DOK6: variants seen among roughly 807,000 people sequenced by gnomAD.
The protein encoded by DOK6 is downstream of tyrosine kinase 6.
Under a neutral mutation model 44.0 loss-of-function variants are expected in DOK6, and 22 were observed. That is an observed-to-expected ratio of 0.50 (90% CI 0.36 to 0.71). DOK6 has a LOEUF of 0.71. Among genes scored for constraint, DOK6 ranks in the 30% least tolerant of loss-of-function variants. The probability of loss-of-function intolerance (pLI) is 0.00; values close to 1 mark genes in which losing one functional copy is unlikely to be tolerated. For synonymous variants in DOK6, 166 were observed against 145.5 expected (o/e 1.14, Z -1.01); for missense variants, 340 against 416.4 (o/e 0.82, Z 1.60).
intron 6 of DOK6, among the ~76,000 whole-genome samples, chr18:69,745,730 G>A (rs1036308383): frequency 6.6e-6 from 1 of 152,186 alleles, no homozygotes; most frequent in Non-Finnish European, 1.5e-5. Flanking sequence ...AAGGTGTTGA[G>A]TGAAGCACAA....
At chr18:69,553,403 T>G (rs1165704869) in intron 1 of DOK6, among the ~76,000 whole-genome samples, 2 of 152,228 alleles carry the variant, frequency 1.3e-5, no homozygotes, top group Non-Finnish European at 2.9e-5. Context: ...TTACCACCTC[T>G]GGTACAACAC....
intron 3 of DOK6, among the ~76,000 whole-genome samples, chr18:69,637,975 T>C (rs1984848139): frequency 1.3e-5 from 2 of 152,274 alleles, no homozygotes; most frequent in East Asian, 3.9e-4. Context: ...TAACATACCT[T>C]GGTTTCAAAA....
At chr18:69,645,121 G>A (rs997544429) in intron 3 of DOK6, among the ~76,000 whole-genome samples, 1 of 152,086 alleles carries the variant, frequency 6.6e-6, no homozygotes, top group Non-Finnish European at 1.5e-5. Context: ...CTAAAACCAG[G>A]AATTTAATAT....
At chr18:69,752,104 CAA>C (rs1979201848) in intron 6 of DOK6, among the ~76,000 whole-genome samples, 1 of 151,584 alleles carries the variant, frequency 6.6e-6, no homozygotes, top group Non-Finnish European at 1.5e-5. Flanking sequence ...AGCACAAGCA[CAA>C]AATATAAGAA....
At chr18:69,791,087 A>C (rs1356982715) in intron 7 of DOK6, among the ~76,000 whole-genome samples, 1 of 152,028 alleles carries the variant, frequency 6.6e-6, no homozygotes, top group Non-Finnish European at 1.5e-5. Flanking sequence ...AATTCTATCC[A>C]TGTTGTTACC....
chr18:69,496,591 TTCTG>T (rs922143373), intron 1 of DOK6, among the ~76,000 whole-genome samples: 20 of 152,370 alleles, frequency 1.3e-4, no homozygotes, highest in African/African-American at 4.3e-4. Flanking sequence ...ACAATGTTTT[TTCTG>T]TCTTTTTTCT....
chr18:69,535,210 CA>C (rs973547487), intron 1 of DOK6, among the ~76,000 whole-genome samples: 5 of 151,974 alleles, frequency 3.3e-5, no homozygotes, highest in African/African-American at 1.2e-4. Flanking sequence ...TTAGATCTTT[CA>C]AAAAATTTAT....
chr18:69,554,909 A>C (rs1458848001), intron 1 of DOK6, among the ~76,000 whole-genome samples: 1 of 152,142 alleles, frequency 6.6e-6, no homozygotes, highest in Non-Finnish European at 1.5e-5. Context: ...GTATAAGCCT[A>C]TTGGCCATTT....
chr18:69,544,188 G>A (rs1281498999), intron 1 of DOK6, among the ~76,000 whole-genome samples: 1 of 151,294 alleles, frequency 6.6e-6, no homozygotes, highest in African/African-American at 2.4e-5. Flanking sequence ...AACCCTGGAG[G>A]TAAAGGTTGC....
At chr18:69,570,884 T>G (rs28827826) in intron 2 of DOK6, among the ~76,000 whole-genome samples, 3,329 of 152,188 alleles carry the variant, frequency 0.022, 100 homozygotes, top group African/African-American at 0.069. Context: ...CTAAAGGTAT[T>G]TATTTCCTTC....
chr18:69,664,743 G>T (rs1219450248), intron 3 of DOK6, among the ~76,000 whole-genome samples: 2 of 152,122 alleles, frequency 1.3e-5, no homozygotes, highest in Non-Finnish European at 2.9e-5. Context: ...CCCACAATGT[G>T]CCAGGCACCT....
chr18:69,504,966 C>T (rs1384262159), intron 1 of DOK6, among the ~76,000 whole-genome samples: 1 of 152,126 alleles, frequency 6.6e-6, no homozygotes, highest in Non-Finnish European at 1.5e-5. Flanking sequence ...TCCTTCTTTA[C>T]TTATATATAG....
intron 3 of DOK6, chr18:69,661,585 A>G (rs1261758161): frequency 6.6e-6 from 1 of 152,222 alleles, no homozygotes; most frequent in Non-Finnish European, 1.5e-5. Flanking sequence ...TGTAGGAACA[A>G]TTTAAGGTTC....
intron 5 of DOK6, among the ~76,000 whole-genome samples, chr18:69,703,077 TATC>T (rs1268771122): frequency 6.6e-6 from 1 of 151,956 alleles, no homozygotes; most frequent in Non-Finnish European, 1.5e-5. Context: ...GACCTGGTAT[TATC>T]ATAGCAAGAG....
At chr18:69,830,383 T>C (rs1703888410) in intron 7 of DOK6, among the ~76,000 whole-genome samples, 1 of 152,174 alleles carries the variant, frequency 6.6e-6, no homozygotes, top group African/African-American at 2.4e-5. Flanking sequence ...TGAGATCATA[T>C]GGGTAGAACC....
intron 5 of DOK6, among the ~76,000 whole-genome samples, chr18:69,705,765 ATTTC>A (rs1282447507): frequency 6.6e-6 from 1 of 152,070 alleles, no homozygotes; most frequent in Non-Finnish European, 1.5e-5. Context: ...AAAATTCTCA[ATTTC>A]TTTCTAAGAG....
intron 7 of DOK6, among the ~76,000 whole-genome samples, chr18:69,798,628 T>A (rs567175554): frequency 1.3e-5 from 2 of 152,186 alleles, no homozygotes; most frequent in African/African-American, 4.8e-5. Flanking sequence ...ATGCCAGAAG[T>A]TAATCTTACC....
intron 1 of DOK6, among the ~76,000 whole-genome samples, chr18:69,443,292 A>G (rs1254805125): frequency 6.6e-6 from 1 of 152,196 alleles, no homozygotes; most frequent in Admixed American, 6.6e-5. Context: ...AAAAAACTAG[A>G]GGCAGATTCA....
intron 6 of DOK6, among the ~76,000 whole-genome samples, chr18:69,753,824 C>CTTT (rs11400448): frequency 1.7e-4 from 25 of 150,018 alleles, no homozygotes; most frequent in Admixed American, 4.0e-4. Flanking sequence ...CTGTTTGAGA[C>CTTT]TTTTTTTTTT....
Sources: allele counts gnomAD v4.1 joint callset (sites outside exome capture counted in the v4.1 genomes callset), GRCh38; gene constraint gnomAD v4.1.1; transcripts MANE v1.5; gene names NCBI Gene and HGNC (gene_info 2026-07-23, HGNC 2026-07-21).